THSD7B: variants seen among roughly 807,000 people sequenced by gnomAD.
THSD7B encodes the protein thrombospondin type-1 domain-containing protein 7B.
A neutral mutation model predicts 213.6 loss-of-function variants in THSD7B; 138 were observed. That is an observed-to-expected ratio of 0.65 (90% CI 0.56 to 0.74). THSD7B has a LOEUF of 0.74. Ranked by LOEUF, THSD7B falls within the 30% of genes least tolerant of loss-of-function variation. The probability of loss-of-function intolerance (pLI) is 0.00; values close to 1 mark genes in which losing one functional copy is unlikely to be tolerated. For missense variants in THSD7B, 1,931 were observed against 1,991.5 expected, an observed-to-expected ratio of 0.97 and a Z score of 0.58; for synonymous variants, 742 against 687.0, an observed-to-expected ratio of 1.08 and a Z score of -1.25.
At chr2:136,774,905 G>A (rs1190376553) in intron 1 of THSD7B, among the ~76,000 whole-genome samples, 3 of 152,066 alleles carry the variant, frequency 2.0e-5, no homozygotes, top group South Asian at 2.1e-4. Context: ...CAAGACAAAC[G>A]AATGTAAAGT....
At chr2:136,922,289 A>G (rs1328425205) in intron 2 of THSD7B, among the ~76,000 whole-genome samples, 1 of 152,196 alleles carries the variant, frequency 6.6e-6, no homozygotes, top group African/African-American at 2.4e-5. Context: ...ATTATATATT[A>G]CAATTTGGGA....
At chr2:137,150,709 C>T (rs1679801040) in intron 5 of THSD7B, among the ~76,000 whole-genome samples, 2 of 152,066 alleles carry the variant, frequency 1.3e-5, no homozygotes, top group South Asian at 4.1e-4. Context: ...TGAGGGGGTT[C>T]CTTCTAAGAG....
At chr2:137,413,147 A>G (rs1026270189) in intron 14 of THSD7B, among the ~76,000 whole-genome samples, 1 of 152,188 alleles carries the variant, frequency 6.6e-6, no homozygotes, top group Non-Finnish European at 1.5e-5. Flanking sequence ...TAATACTCTC[A>G]TTGCTTTATA....
intron 4 of THSD7B, among the ~76,000 whole-genome samples, chr2:137,097,769 G>GACACACAC (rs3050089): frequency 0.033 from 4,606 of 141,368 alleles, 129 homozygotes; most frequent in African/African-American, 0.06. Flanking sequence ...CGCTAAGTTT[G>GACACACAC]ACACACACAC....
At chr2:137,077,504 T>C (rs1687655186) in intron 3 of THSD7B, among the ~76,000 whole-genome samples, 1 of 152,148 alleles carries the variant, frequency 6.6e-6, no homozygotes, top group South Asian at 2.1e-4. Context: ...CCTGACTTTT[T>C]AATGATCACC....
At chr2:137,407,737 C>A (rs1466486408) in intron 13 of THSD7B, among the ~76,000 whole-genome samples, 6 of 152,012 alleles carry the variant, frequency 3.9e-5, no homozygotes, top group Admixed American at 1.3e-4. Context: ...AATATGGGGC[C>A]ATACAGGATA....
intron 2 of THSD7B, among the ~76,000 whole-genome samples, chr2:136,919,481 A>G (rs1684399424): frequency 6.6e-6 from 1 of 152,208 alleles, no homozygotes; most frequent in African/African-American, 2.4e-5. Flanking sequence ...GCTTCTCATA[A>G]GAATGTTTAT....
At chr2:137,609,462 T>C (rs1682247536) in intron 17 of THSD7B, among the ~76,000 whole-genome samples, 1 of 152,094 alleles carries the variant, frequency 6.6e-6, no homozygotes, top group Admixed American at 6.6e-5. Flanking sequence ...AGGAAGAGCA[T>C]TGCAGGCAGA....
chr2:137,034,915 T>C (rs1268260583), intron 2 of THSD7B, among the ~76,000 whole-genome samples: 1 of 152,262 alleles, frequency 6.6e-6, no homozygotes, highest in Non-Finnish European at 1.5e-5. Context: ...TGCATGTGTC[T>C]TTATAGTAAA....
At chr2:137,161,269 T>C (rs1680013384) in intron 6 of THSD7B, among the ~76,000 whole-genome samples, 1 of 152,214 alleles carries the variant, frequency 6.6e-6, no homozygotes, top group South Asian at 2.1e-4. Flanking sequence ...CTTTAGTTTC[T>C]ATTGATACTG....
intron 1 of THSD7B, among the ~76,000 whole-genome samples, chr2:136,860,988 A>T (rs1573674370): frequency 6.6e-6 from 1 of 152,244 alleles, no homozygotes; most frequent in Non-Finnish European, 1.5e-5. Context: ...TGTTTCGCAG[A>T]TAGCTGCGTA....
rs564606659 is a variant in THSD7B, at chr2:137,299,141, T to A, written c.2500+23115T>A. Reference sequence around the variant, plus strand: ...GAACCCACCTTTTGCATCAGCATGATCTGAAAGTGAGACTTGGAGTTGAAG... The same window carrying A: ...GAACCCACCTTTTGCATCAGCATGAACTGAAAGTGAGACTTGGAGTTGAAG... On this transcript the variant is annotated intron_variant, in intron 12 of 27. Coordinates refer to ENST00000409968, the MANE Select transcript of THSD7B (RefSeq NM_001316349.2). Among the ~76,000 whole-genome samples, 17 of 152,282 alleles carry A rather than the reference T, an allele frequency of 1.1e-4. No individual in the cohort carries two copies. The East Asian group carries it at 3.1e-3, about 28-fold the overall frequency.
chr2:137,418,765 A>G (rs1335828502), intron 14 of THSD7B, among the ~76,000 whole-genome samples: 1 of 152,144 alleles, frequency 6.6e-6, no homozygotes, highest in Admixed American at 6.6e-5. Flanking sequence ...TAGCTCCCAC[A>G]TATAAGTGAG....
At chr2:136,833,918 G>T (rs1252278248) in intron 1 of THSD7B, among the ~76,000 whole-genome samples, 3 of 152,166 alleles carry the variant, frequency 2.0e-5, no homozygotes, top group African/African-American at 7.2e-5. Context: ...CATCTAAAAT[G>T]CATGGCATGG....
At chr2:137,542,743 C>T (rs1680632027) in intron 15 of THSD7B, among the ~76,000 whole-genome samples, 1 of 151,736 alleles carries the variant, frequency 6.6e-6, no homozygotes, top group Non-Finnish European at 1.5e-5. Context: ...ATTTGGAGGA[C>T]TGACTTACAC....
At chr2:137,194,056 GT>G (rs1680711549) in intron 7 of THSD7B, among the ~76,000 whole-genome samples, 1 of 152,050 alleles carries the variant, frequency 6.6e-6, no homozygotes, top group Middle Eastern at 3.2e-3. Flanking sequence ...TTCTAAAATT[GT>G]TTTCACAACT....
At chr2:136,902,739 A>C (rs544248773) in intron 2 of THSD7B, among the ~76,000 whole-genome samples, 182 of 152,350 alleles carry the variant, frequency 1.2e-3, no homozygotes, top group African/African-American at 4.2e-3. Flanking sequence ...ACAGATGAAG[A>C]AAATATTGTG....
chr2:136,822,895 A>G (rs913248451), intron 1 of THSD7B, among the ~76,000 whole-genome samples: 3 of 152,210 alleles, frequency 2.0e-5, no homozygotes, highest in Non-Finnish European at 4.4e-5. Flanking sequence ...ATTTAGCCCT[A>G]TACATTAATG....
Position 136,785,954 on chromosome 2 carries a change from C to T in THSD7B, c.-36+20267C>T, listed in dbSNP as rs182502556. On this transcript the variant is annotated intron_variant, in intron 1 of 27. Transcript: ENST00000409968. Reference sequence around the variant, plus strand: ...AAACAAATGAGTTCTTTTCCCTCCACGTCTCCCTTCCCTGCTATAGTTTAG... The same window carrying T: ...AAACAAATGAGTTCTTTTCCCTCCATGTCTCCCTTCCCTGCTATAGTTTAG... Among the ~76,000 whole-genome samples the T allele has an allele frequency of 3.1e-3, 474 of 152,308 alleles. 4 individuals carry two copies. The highest frequency in any genetic ancestry group is 5.7e-3 in the Non-Finnish European group (389 of 68,016).
Sources: gnomAD v4.1 joint callset for allele counts (sites outside exome capture counted in the v4.1 genomes callset) on GRCh38, gnomAD v4.1.1 for gene constraint, MANE v1.5 for transcripts, NCBI Gene and HGNC (gene_info 2026-07-23, HGNC 2026-07-21) for gene names.